The following ZNF804B variants were observed in gnomAD, a reference collection of about 807,000 sequenced individuals.
ZNF804B encodes zinc finger protein 804B.
Under a neutral mutation model 101.4 loss-of-function variants are expected in ZNF804B, and 80 were observed. The ratio of observed to expected loss-of-function variants is 0.79; its 90% CI spans 0.66 to 0.95. ZNF804B has a LOEUF of 0.95. Ranked by LOEUF, ZNF804B falls within the 40% of genes least tolerant of loss-of-function variation. The pLI, the probability that ZNF804B is intolerant of heterozygous loss-of-function variation, is 0.00. For missense variants in ZNF804B, 1,673 were observed against 1,561.9 expected (o/e 1.07, Z -1.20); for synonymous variants, 622 against 558.8 (o/e 1.11, Z -1.59).
At chr7:89,063,874 A>G (rs773280109) in intron 1 of ZNF804B, among the ~76,000 whole-genome samples, 1 of 152,180 alleles carries the variant, frequency 6.6e-6, no homozygotes, top group Non-Finnish European at 1.5e-5. Flanking sequence ...TGTTGGTTAC[A>G]GCCAGTGGAG....
intron 1 of ZNF804B, among the ~76,000 whole-genome samples, chr7:88,889,929 T>C (rs1318323597): frequency 1.3e-5 from 2 of 152,208 alleles, no homozygotes; most frequent in Non-Finnish European, 2.9e-5. Flanking sequence ...ACATCTTTCA[T>C]CCTTCTTCAG....
At chr7:89,209,432 C>A (rs6465189) in intron 1 of ZNF804B, among the ~76,000 whole-genome samples, 89,621 of 152,044 alleles carry the variant, frequency 0.59, 26,914 homozygotes, top group African/African-American at 0.63. Flanking sequence ...TTGGTTCACA[C>A]TGAACTATAA....
At chr7:88,976,618 T>G (rs1793618768) in intron 1 of ZNF804B, among the ~76,000 whole-genome samples, 1 of 151,448 alleles carries the variant, frequency 6.6e-6, no homozygotes, top group African/African-American at 2.4e-5. Context: ...TTTATTAGTT[T>G]TAATTTTTTT....
chr7:89,022,479 G>A (rs979574160), intron 1 of ZNF804B, among the ~76,000 whole-genome samples: 1 of 151,900 alleles, frequency 6.6e-6, no homozygotes, highest in South Asian at 2.1e-4. Context: ...GTTTTGTTTT[G>A]CCTTCAATTA....
intron 1 of ZNF804B, among the ~76,000 whole-genome samples, chr7:88,765,026 A>T (rs1171412515): frequency 6.6e-6 from 1 of 152,094 alleles, no homozygotes; most frequent in Non-Finnish European, 1.5e-5. Context: ...AACTGATTTC[A>T]ATAACTTTTT....
chr7:89,216,008 A>G (rs2115690954), intron 1 of ZNF804B, among the ~76,000 whole-genome samples: 1 of 152,270 alleles, frequency 6.6e-6, no homozygotes, highest in East Asian at 1.9e-4. Context: ...ATGAAAAATA[A>G]ATAAATAAAT....
At chr7:89,010,419 C>T (rs1368594910) in intron 1 of ZNF804B, among the ~76,000 whole-genome samples, 2 of 152,124 alleles carry the variant, frequency 1.3e-5, no homozygotes, top group African/African-American at 2.4e-5. Context: ...GATTGTTACT[C>T]ATTCTTAGTA....
rs545334933 is a variant in ZNF804B, at chr7:89,198,059, G to A, written c.109-20096G>A. 4.6e-5 allele frequency among the ~76,000 whole-genome samples: 7 copies of A among 151,836 alleles called. No individual in the cohort carries two copies. The South Asian group carries it at 1.5e-3, about 32-fold the overall frequency. On this transcript the variant is annotated intron_variant, in intron 1 of 3. Transcript: ENST00000333190. ...GAAAATATTCACTAAATGAACAATA[G>A]GATTAGCAAACAAACGGATTATTAA... is the stretch of plus-strand genomic sequence containing the variant.
intron 1 of ZNF804B, among the ~76,000 whole-genome samples, chr7:88,944,193 T>A (rs1793094262): frequency 6.6e-6 from 1 of 151,792 alleles, no homozygotes; most frequent in Admixed American, 6.6e-5. Context: ...CCAAAGTGGC[T>A]ATATCATGTT....
chr7:89,244,045 C>T (rs1275283696), intron 2 of ZNF804B, among the ~76,000 whole-genome samples: 2 of 151,888 alleles, frequency 1.3e-5, no homozygotes, highest in African/African-American at 4.8e-5. Flanking sequence ...CTTTAAAATT[C>T]CTTCATTTTC....
At chr7:89,298,216 G>GTGTGTATATATATATA (rs1421058768) in intron 2 of ZNF804B, among the ~76,000 whole-genome samples, 2 of 27,518 alleles carry the variant, frequency 7.3e-5, no homozygotes, top group African/African-American at 3.1e-4. Context: ...GTGTGTGTGT[G>GTGTGTATATATATATA]TATATATATA....
intron 1 of ZNF804B, among the ~76,000 whole-genome samples, chr7:89,176,691 T>C (rs1791328902): frequency 6.6e-6 from 1 of 151,214 alleles, no homozygotes; most frequent in African/African-American, 2.4e-5. Context: ...TTCTCTATTT[T>C]TTGGAATAGT....
At chr7:89,044,267 C>T (rs750344593) in intron 1 of ZNF804B, among the ~76,000 whole-genome samples, 23 of 152,170 alleles carry the variant, frequency 1.5e-4, no homozygotes, top group African/African-American at 4.1e-4. Context: ...CTTCCCCTTT[C>T]GCCATGATTG....
At chr7:89,254,126 T>C (rs1789587521) in intron 2 of ZNF804B, among the ~76,000 whole-genome samples, 1 of 152,138 alleles carries the variant, frequency 6.6e-6, no homozygotes, top group Admixed American at 6.5e-5. Context: ...TATTTAACAT[T>C]GCATTGACGG....
intron 1 of ZNF804B, among the ~76,000 whole-genome samples, chr7:88,862,887 A>G (rs895112886): frequency 6.6e-6 from 1 of 152,170 alleles, no homozygotes; most frequent in South Asian, 2.1e-4. Context: ...CACGCTGAGA[A>G]ACCATTTCAC....
intron 1 of ZNF804B, among the ~76,000 whole-genome samples, chr7:88,998,698 A>G (rs568534637): frequency 7.9e-5 from 12 of 152,152 alleles, no homozygotes; most frequent in Non-Finnish European, 1.8e-4. Flanking sequence ...ATTGATGGTA[A>G]TGTCACAGAA....
Position 89,209,597 on chromosome 7 carries a change from T to C in ZNF804B, c.109-8558T>C, listed in dbSNP as rs1200353038. ...CTCAGAATCTACATAAAAAAGATTG[T>C]TCTAAAAGTCTAAAACTACCATGTG... is the stretch of plus-strand genomic sequence containing the variant. On this transcript the variant is annotated intron_variant, in intron 1 of 3. Coordinates refer to ENST00000333190, the MANE Select transcript of ZNF804B (RefSeq NM_181646.5). Among the ~76,000 whole-genome samples the C allele has an allele frequency of 3.3e-5, 5 of 152,210 alleles. No homozygotes were observed. In the South Asian group the frequency reaches 1.0e-3, roughly 32 times the overall value.
intron 1 of ZNF804B, among the ~76,000 whole-genome samples, chr7:89,018,680 A>C (rs1584076488): frequency 6.6e-6 from 1 of 151,960 alleles, no homozygotes; most frequent in South Asian, 2.1e-4. Flanking sequence ...CAGTCTTCTT[A>C]GTATTGGTCT....
At chr7:88,899,605 A>G (rs1252182270) in intron 1 of ZNF804B, among the ~76,000 whole-genome samples, 2 of 152,160 alleles carry the variant, frequency 1.3e-5, no homozygotes, top group Non-Finnish European at 1.5e-5. Flanking sequence ...ACAGTTCTCG[A>G]AACAAACATA....
Sources: allele counts gnomAD v4.1 joint callset (sites outside exome capture counted in the v4.1 genomes callset), GRCh38; gene constraint gnomAD v4.1.1; transcripts MANE v1.5; gene names NCBI Gene and HGNC (gene_info 2026-07-23, HGNC 2026-07-21).